Variants in GAN observed in about 807,000 individuals in gnomAD.
GAN encodes the protein gigaxonin.
In GAN, 48 loss-of-function variants were observed where a neutral mutation model predicts 71.3. That is an observed-to-expected ratio of 0.67 (90% confidence interval 0.53 to 0.86). GAN has a LOEUF of 0.86. Ranked by LOEUF, GAN falls within the 40% of genes least tolerant of loss-of-function variation. GAN has a pLI of 0.00. For synonymous variants in GAN, 386 were observed against 276.8 expected, an observed-to-expected ratio of 1.39 and a Z score of -3.92; for missense variants, 928 against 770.1, an observed-to-expected ratio of 1.21 and a Z score of -2.43.
chr16:81,318,982 T>C (rs1278610783), intron 1 of GAN, among the ~76,000 whole-genome samples: 3 of 151,966 alleles, frequency 2.0e-5, no homozygotes, highest in Non-Finnish European at 4.4e-5. Flanking sequence ...GGTTCCTGGG[T>C]GAGATTTTCT....
rs147895634 is a variant in GAN, at chr16:81,317,923, T to G, written c.167+2643T>G. On this transcript the variant is annotated intron_variant, in intron 1 of 10. Coordinates refer to ENST00000648994, the MANE Select transcript of GAN (RefSeq NM_022041.4). ...AATCAGTCAATATGTGTTTCATCAGTGACAGATGAATTGCTTTAAGTTTAT... is the reference window on the plus strand; with the variant it reads ...AATCAGTCAATATGTGTTTCATCAGGGACAGATGAATTGCTTTAAGTTTAT... Among the ~76,000 whole-genome samples the G allele has an allele frequency of 8.0e-3, 1,213 of 152,352 alleles. 6 individuals are homozygous for G. The highest frequency in any genetic ancestry group is 0.013 in the Non-Finnish European group (860 of 68,036).
rs1424507667 is a variant in GAN at position 81,385,209 on chromosome 16, C to CCT, written c.*7614_*7615insTC. The stretch of plus-strand genomic sequence containing the variant: ...CTCCTCCAATGACAATCTGTTAGCA[C>CCT]CCTGTTGACTTAGCTCAGGACATGA... On this transcript the variant is annotated 3_prime_UTR_variant, in exon 11 of 11. Transcript: ENST00000648994. 3.9e-5 allele frequency: 6 copies of CCT among 152,170 alleles called. No individual in the cohort carries two copies. The highest frequency in any genetic ancestry group is 8.8e-5 in the Non-Finnish European group (6 of 68,038). 9.4% of individuals were successfully genotyped at this position (152,170 alleles called of 1,614,324 possible).
intron 1 of GAN, among the ~76,000 whole-genome samples, chr16:81,342,085 A>G (rs1292488823): frequency 2.0e-5 from 3 of 152,242 alleles, no homozygotes; most frequent in Non-Finnish European, 4.4e-5. Flanking sequence ...AGAGCTAACT[A>G]TCCTAAATAC....
In GAN at chr16:81,332,689, G is replaced by C. The variant is rs150529017; in HGVS notation, c.167+17409G>C. On this transcript the variant is annotated intron_variant, in intron 1 of 10. Coordinates refer to ENST00000648994, the MANE Select transcript of GAN (RefSeq NM_022041.4). ...ATGTCTCCTTAGTCTCCAGTGTGTGGTGGTTCCTCAGTCTTTCCTTGTCTT... is the reference window on the plus strand; with the variant it reads ...ATGTCTCCTTAGTCTCCAGTGTGTGCTGGTTCCTCAGTCTTTCCTTGTCTT... 6.6e-5 allele frequency among the ~76,000 whole-genome samples: 10 copies of C among 152,310 alleles called. No homozygotes were observed. The East Asian group carries it at 1.9e-3, about 29-fold the overall frequency.
chr16:81,331,097 C>A (rs1909561405), intron 1 of GAN, among the ~76,000 whole-genome samples: 1 of 152,220 alleles, frequency 6.6e-6, no homozygotes, highest in South Asian at 2.1e-4. Context: ...CCCAGCCACT[C>A]AGAAGGCTGA....
At chr16:81,319,783 G>C (rs1003468255) in intron 1 of GAN, among the ~76,000 whole-genome samples, 4 of 151,990 alleles carry the variant, frequency 2.6e-5, no homozygotes, top group African/African-American at 9.7e-5. Flanking sequence ...ATCCAGCCTA[G>C]GTCATCATGA....
At chr16:81,350,292 T>C (rs927352548) in intron 1 of GAN, among the ~76,000 whole-genome samples, 2 of 152,168 alleles carry the variant, frequency 1.3e-5, no homozygotes, top group Non-Finnish European at 2.9e-5. Context: ...AGAATGCAGA[T>C]GATAACCACA....
At chr16:81,375,292 A>T (rs1210422885) in intron 9 of GAN, among the ~76,000 whole-genome samples, 1 of 151,448 alleles carries the variant, frequency 6.6e-6, no homozygotes, top group Non-Finnish European at 1.5e-5. Context: ...TTAAAAAAAA[A>T]ATTTAGAGAC....
intron 1 of GAN, among the ~76,000 whole-genome samples, chr16:81,321,977 A>G (rs888779608): frequency 3.9e-5 from 6 of 152,144 alleles, no homozygotes; most frequent in East Asian, 1.9e-4. Context: ...TAAAGATTCT[A>G]TGTCCATCTA....
intron 9 of GAN, among the ~76,000 whole-genome samples, chr16:81,375,808 A>C (rs572189717): frequency 2.0e-5 from 3 of 151,856 alleles, no homozygotes; most frequent in Non-Finnish European, 4.4e-5. Context: ...TCTATGGAAA[A>C]AAAAAAAATT....
chr16:81,351,478 C>G, intron 1 of GAN, 105 bp from the exon 2 acceptor site: 2 of 694,650 alleles, frequency 2.9e-6, no homozygotes, highest in East Asian at 2.7e-5. Context: ...GGTGGGGATT[C>G]ATATACTGAT....
At chr16:81,366,877 T>C (rs866079174) in intron 9 of GAN, among the ~76,000 whole-genome samples, 25 of 152,152 alleles carry the variant, frequency 1.6e-4, no homozygotes, top group Admixed American at 9.2e-4. Context: ...CGGGCTAGAG[T>C]GCAGTGGCGT....
chr16:81,359,918 C>T (rs376576784), intron 5 of GAN, among the ~76,000 whole-genome samples: 11 of 152,268 alleles, frequency 7.2e-5, no homozygotes, highest in African/African-American at 2.2e-4. Flanking sequence ...CACCTATTTT[C>T]GGACTGCAGT....
intron 1 of GAN, among the ~76,000 whole-genome samples, chr16:81,343,742 A>G (rs1181055940): frequency 6.6e-6 from 1 of 152,226 alleles, no homozygotes; most frequent in Non-Finnish European, 1.5e-5. Context: ...ATTCCTATTC[A>G]ACATAGTATT....
intron 5 of GAN, among the ~76,000 whole-genome samples, chr16:81,362,072 A>C (rs895754819): frequency 2.0e-5 from 3 of 152,204 alleles, no homozygotes; most frequent in Non-Finnish European, 2.9e-5. Context: ...AGTTGCTCTT[A>C]GATCCTGTTT....
chr16:81,355,736 T>C (rs765110768), intron 3 of GAN, among the ~76,000 whole-genome samples: 3 of 152,214 alleles, frequency 2.0e-5, no homozygotes, highest in Non-Finnish European at 4.4e-5. Flanking sequence ...ATAAGAAATA[T>C]ATTAGGTGTT....
chr16:81,376,374 T>A (rs1277192477), intron 9 of GAN, among the ~76,000 whole-genome samples: 2 of 151,840 alleles, frequency 1.3e-5, no homozygotes, highest in Non-Finnish European at 2.9e-5. Flanking sequence ...TTATACAGCA[T>A]TTTAGGATGC....
At chr16:81,350,180 G>C (rs1216267944) in intron 1 of GAN, among the ~76,000 whole-genome samples, 1 of 152,122 alleles carries the variant, frequency 6.6e-6, no homozygotes, top group Non-Finnish European at 1.5e-5. Flanking sequence ...GCAATGTGAG[G>C]ACAGTTAGTG....
intron 1 of GAN, among the ~76,000 whole-genome samples, chr16:81,319,267 A>G (rs996865057): frequency 2.0e-5 from 3 of 151,174 alleles, no homozygotes; most frequent in African/African-American, 7.3e-5. Context: ...ATTCATAGTC[A>G]TAAGCACCCA....
Sources: gnomAD v4.1 joint callset for allele counts (sites outside exome capture counted in the v4.1 genomes callset) on GRCh38, gnomAD v4.1.1 for gene constraint, MANE v1.5 for transcripts, NCBI Gene and HGNC (gene_info 2026-07-23, HGNC 2026-07-21) for gene names.